SLC24A4: variants seen among roughly 807,000 people sequenced by gnomAD.
SLC24A4 encodes the protein solute carrier family 24 member 4, also known as sodium/potassium/calcium exchanger 4.
SLC24A4 carries 53 observed loss-of-function variants against 79.0 expected under a neutral mutation model. The ratio of observed to expected loss-of-function variants is 0.67; its 90% CI spans 0.54 to 0.84. The LOEUF is 0.84. Among genes scored for constraint, SLC24A4 ranks in the 40% least tolerant of loss-of-function variants. SLC24A4 has a pLI of 0.00. For synonymous variants in SLC24A4, 323 were observed against 323.8 expected, an observed-to-expected ratio of 1.00 and a Z score of 0.03; for missense variants, 731 against 822.0, an observed-to-expected ratio of 0.89 and a Z score of 1.35.
intron 2 of SLC24A4, among the ~76,000 whole-genome samples, chr14:92,348,582 A>G (rs1886677229): frequency 6.6e-6 from 1 of 152,212 alleles, no homozygotes; most frequent in Admixed American, 6.5e-5. Context: ...CTGAATCCAC[A>G]CTGCCCACCA....
At chr14:92,324,747 C>T (rs1422108300) in intron 1 of SLC24A4, among the ~76,000 whole-genome samples, 1 of 152,144 alleles carries the variant, frequency 6.6e-6, no homozygotes, top group Non-Finnish European at 1.5e-5. Context: ...ATGCTGTGAA[C>T]CTTTTAATTT....
In SLC24A4 at chr14:92,474,863, A is replaced by ATATATATATTTT. The variant is rs36185636; in HGVS notation, c.1256-7816_1256-7815insATATATATTTTT. ...TGTGTGTATATATATATATATATAT[A>ATATATATATTTT]TTTTTTTTTTTTTTAGTAGACACAG... On this transcript the variant is annotated intron_variant, in intron 12 of 16. Transcript: ENST00000532405. 2.7e-3 allele frequency among the ~76,000 whole-genome samples: 154 copies of ATATATATATTTT among 57,110 alleles called. 2 individuals carry two copies. The highest frequency in any genetic ancestry group is 9.0e-3 in the African/African-American group (138 of 15,398). The allele number at this position is 57,110 out of a possible 152,430, so 37.5% of individuals were successfully genotyped here. A position where few individuals can be genotyped will look rare whatever the true frequency, so the allele number is the denominator to read the frequency against.
At chr14:92,409,846 C>T (rs1187645112) in intron 2 of SLC24A4, among the ~76,000 whole-genome samples, 1 of 152,156 alleles carries the variant, frequency 6.6e-6, no homozygotes. Context: ...CCATGGAATA[C>T]TATGCAGCCA....
intron 2 of SLC24A4, among the ~76,000 whole-genome samples, chr14:92,394,260 G>A (rs941637): frequency 0.17 from 25,393 of 151,760 alleles, 2,892 homozygotes; most frequent in African/African-American, 0.31. Context: ...TGCTTTTCTT[G>A]GTTTGGGGAA....
chr14:92,348,111 A>T (rs1049466469), intron 2 of SLC24A4, among the ~76,000 whole-genome samples: 4 of 152,182 alleles, frequency 2.6e-5, no homozygotes, highest in Admixed American at 6.5e-5. Context: ...GAGAAGAAGG[A>T]CGTTCTCAGG....
chr14:92,428,618 C>T (rs892547979), intron 2 of SLC24A4, among the ~76,000 whole-genome samples: 1 of 152,166 alleles, frequency 6.6e-6, no homozygotes, highest in Non-Finnish European at 1.5e-5. Context: ...GAATGATGTT[C>T]AGTTGTCTGC....
chr14:92,479,606 G>C (rs899905845), intron 12 of SLC24A4, among the ~76,000 whole-genome samples: 5 of 152,196 alleles, frequency 3.3e-5, no homozygotes, highest in Non-Finnish European at 7.3e-5. Context: ...ATTCCAGTTT[G>C]CTAGAATTTT....
chr14:92,408,056 G>C (rs1890500331), intron 2 of SLC24A4, among the ~76,000 whole-genome samples: 1 of 149,238 alleles, frequency 6.7e-6, no homozygotes, highest in Non-Finnish European at 1.5e-5. Flanking sequence ...TTTATTTTTT[G>C]GCCAGGTGTG....
chr14:92,361,410 A>G (rs998416694), intron 2 of SLC24A4, among the ~76,000 whole-genome samples: 26 of 151,846 alleles, frequency 1.7e-4, no homozygotes, highest in African/African-American at 6.1e-4. Flanking sequence ...TTGATGAACT[A>G]CTTTGAACCA....
rs750232344 is a variant in SLC24A4, at chr14:92,325,920, T to C, written c.183T>C (p.Asn61=). 2.5e-5 allele frequency: 41 copies of C among 1,612,824 alleles called. No individual in the cohort carries two copies. In the East Asian group the frequency reaches 7.8e-4, roughly 31 times the overall value. Residue 61 remains asparagine (N), a synonymous_variant, in exon 2 of 17, where the codon AAT becomes AAC. Coordinates refer to ENST00000532405, the MANE Select transcript of SLC24A4 (RefSeq NM_153646.4). ...GTGTCCTGCCAGACACGTGGAGAAA[T>C]AGAAAGTTGATGGCCCCAGTGAATG... ...SKRVLPDTWR[N]RKLMAPVNGT...
chr14:92,469,099 G>A (rs1261443617), intron 12 of SLC24A4, among the ~76,000 whole-genome samples: 4 of 152,208 alleles, frequency 2.6e-5, no homozygotes, highest in East Asian at 3.8e-4. Flanking sequence ...ATATCATGAT[G>A]AGATGCCATT....
At chr14:92,459,960 G>A (rs1409554829) in intron 12 of SLC24A4, among the ~76,000 whole-genome samples, 1 of 152,146 alleles carries the variant, frequency 6.6e-6, no homozygotes, top group Admixed American at 6.5e-5. Flanking sequence ...GTTTCTTAGG[G>A]GTGGATGCAG....
intron 2 of SLC24A4, among the ~76,000 whole-genome samples, chr14:92,361,968 A>G (rs1887557207): frequency 6.6e-6 from 1 of 152,188 alleles, no homozygotes; most frequent in Admixed American, 6.5e-5. Context: ...TCTGGTGCCC[A>G]GAGGAGGACC....
chr14:92,436,275 G>A (rs1460364537), intron 3 of SLC24A4, among the ~76,000 whole-genome samples: 2 of 152,078 alleles, frequency 1.3e-5, no homozygotes, highest in African/African-American at 2.4e-5. Flanking sequence ...GAACAGCATG[G>A]GAAAATCACC....
In SLC24A4 at chr14:92,433,967, C is replaced by T. The variant is rs200621652; in HGVS notation, c.297C>T (p.Ala99=). 3.2e-5 allele frequency: 52 copies of T among 1,614,196 alleles called. No individual in the cohort carries two copies. The highest frequency in any genetic ancestry group is 4.0e-5 in the Non-Finnish European group (47 of 1,180,010). ...CCAATAAGGAGCGACAGCACGGAGC[C>T]GTCCTGCTGCACATCCTTGGTGTAA... ...LFSNKERQHG[A]VLLHILGALY... The change falls in exon 3 of 17, where the codon GCC becomes GCT. Residue 99 remains alanine (A), a synonymous_variant. Coordinates refer to ENST00000532405, the MANE Select transcript of SLC24A4 (RefSeq NM_153646.4).
intron 13 of SLC24A4, chr14:92,483,900 A>C: frequency 7.8e-7 from 1 of 1,285,232 alleles, no homozygotes; most frequent in Non-Finnish European, 1.0e-6. Context: ...CAGCAGGGCC[A>C]GTAAACGTTC....
At chr14:92,357,235 C>A (rs1443981477) in intron 2 of SLC24A4, among the ~76,000 whole-genome samples, 2 of 152,154 alleles carry the variant, frequency 1.3e-5, no homozygotes, top group African/African-American at 4.8e-5. Flanking sequence ...GAACAACTTC[C>A]AAAGTCAGTA....
In SLC24A4 at chr14:92,456,512, C is replaced by T. The variant is rs576717645; in HGVS notation, c.1159C>T (p.Pro387Ser). Residue 387 changes from proline (P) to serine (S), a missense_variant, in exon 12 of 17, where the codon CCT becomes TCT. Physicochemically the swap from Pro to Ser is moderately conservative, Grantham distance 74 (BLOSUM62 -1). Transcript: ENST00000532405. The part of the protein sequence containing the change: ...GNVPVENPED[P>S]QQNQEQQPPP... Reference sequence around the variant, plus strand: ...TGTTCCTGTGGAAAACCCCGAAGACCCTCAGCAGAATCAGGAGCAGCAGCC... The same window carrying T: ...TGTTCCTGTGGAAAACCCCGAAGACTCTCAGCAGAATCAGGAGCAGCAGCC... 1 of 1,614,044 alleles carries T rather than the reference C, an allele frequency of 6.2e-7. No homozygotes were observed. Among genetic ancestry groups the T allele is most frequent in the Non-Finnish European group, 8.5e-7 (1 of 1,180,036 alleles).
intron 16 of SLC24A4, among the ~76,000 whole-genome samples, chr14:92,492,520 G>A (rs1895740626): frequency 6.6e-6 from 1 of 152,188 alleles, no homozygotes; most frequent in African/African-American, 2.4e-5. Flanking sequence ...AGTGCCAGTA[G>A]GAGAGAGATC....
Sources: allele counts gnomAD v4.1 joint callset (sites outside exome capture counted in the v4.1 genomes callset), GRCh38; gene constraint gnomAD v4.1.1; transcripts MANE v1.5; gene names NCBI Gene and HGNC (gene_info 2026-07-23, HGNC 2026-07-21).